ERC2: variants seen among roughly 807,000 people sequenced by gnomAD.
ERC2 encodes ELKS/RAB6-interacting/CAST family member 2, also known as ERC protein 2.
ERC2 carries 42 observed loss-of-function variants against 114.8 expected under a neutral mutation model. The observed-to-expected ratio is 0.37, with a 90% confidence interval of 0.29 to 0.47. ERC2 has a LOEUF of 0.47. ERC2 is among the 20% of genes least tolerant of loss of function. ERC2 has a pLI of 0.99. For missense variants in ERC2, 939 were observed against 1,150.7 expected, an observed-to-expected ratio of 0.82 and a Z score of 2.66; for synonymous variants, 454 against 425.5, an observed-to-expected ratio of 1.07 and a Z score of -0.82.
chr3:56,441,244 G>A (rs1386121808), intron 1 of ERC2, among the ~76,000 whole-genome samples: 1 of 152,194 alleles, frequency 6.6e-6, no homozygotes, highest in African/African-American at 2.4e-5. Flanking sequence ...ACCCAGCCAA[G>A]AGTCAGCACC....
intron 17 of ERC2, among the ~76,000 whole-genome samples, chr3:55,543,240 C>T (rs764659212): frequency 2.6e-5 from 4 of 152,150 alleles, no homozygotes; most frequent in Non-Finnish European, 5.9e-5. Context: ...AGGCTGTCCA[C>T]GTGTAAGCAG....
chr3:55,639,131 G>A (rs1301409280), intron 17 of ERC2, among the ~76,000 whole-genome samples: 3 of 152,216 alleles, frequency 2.0e-5, no homozygotes, highest in African/African-American at 7.2e-5. Context: ...CTCAAACAAA[G>A]AGTTGAAAGA....
chr3:56,309,794 T>A (rs1484256459), intron 2 of ERC2, among the ~76,000 whole-genome samples: 5 of 152,196 alleles, frequency 3.3e-5, no homozygotes, highest in African/African-American at 1.2e-4. Flanking sequence ...GCTCCACAAA[T>A]GTTAGCTATT....
chr3:55,741,307 T>G (rs943072904), intron 14 of ERC2, among the ~76,000 whole-genome samples: 1 of 152,048 alleles, frequency 6.6e-6, no homozygotes, highest in Non-Finnish European at 1.5e-5. Flanking sequence ...CTTTTTTTTT[T>G]CTCGCGGCAA....
intron 14 of ERC2, among the ~76,000 whole-genome samples, chr3:55,844,303 T>G (rs1285036125): frequency 1.3e-5 from 2 of 152,044 alleles, no homozygotes; most frequent in African/African-American, 4.8e-5. Context: ...AATGGAAACA[T>G]ACATGAAAAA....
chr3:55,974,740 A>G (rs1285262859), intron 12 of ERC2, among the ~76,000 whole-genome samples: 1 of 152,136 alleles, frequency 6.6e-6, no homozygotes, highest in Non-Finnish European at 1.5e-5. Flanking sequence ...CCCACTCACC[A>G]GGCCCACTCA....
At chr3:55,827,702 G>A (rs2060387615) in intron 14 of ERC2, among the ~76,000 whole-genome samples, 1 of 152,162 alleles carries the variant, frequency 6.6e-6, no homozygotes, top group Admixed American at 6.6e-5. Flanking sequence ...AATCTTCCCT[G>A]AAACCATGAT....
intron 14 of ERC2, among the ~76,000 whole-genome samples, chr3:55,739,905 C>T (rs1460215081): frequency 6.6e-6 from 1 of 152,120 alleles, no homozygotes; most frequent in Non-Finnish European, 1.5e-5. Context: ...ACATTTCAGT[C>T]TTTAATCCAT....
intron 6 of ERC2, among the ~76,000 whole-genome samples, chr3:56,132,451 C>T (rs1196344255): frequency 2.6e-5 from 4 of 152,172 alleles, no homozygotes; most frequent in Admixed American, 2.0e-4. Context: ...TCAGAAAACA[C>T]CTCCTCCTCC....
chr3:55,651,289 G>A (rs1152116), intron 17 of ERC2, among the ~76,000 whole-genome samples: 1 of 152,114 alleles, frequency 6.6e-6, no homozygotes, highest in African/African-American at 2.4e-5. Flanking sequence ...ACAGTGCTTA[G>A]AGAATTAAGG....
chr3:55,821,310 G>C (rs181228168), intron 14 of ERC2, among the ~76,000 whole-genome samples: 1 of 152,076 alleles, frequency 6.6e-6, no homozygotes, highest in Non-Finnish European at 1.5e-5. Context: ...CTGGCTCGCC[G>C]GCCACTGTGG....
chr3:56,143,187 A>C (rs1358177093), intron 5 of ERC2, among the ~76,000 whole-genome samples: 3 of 152,168 alleles, frequency 2.0e-5, no homozygotes, highest in Non-Finnish European at 4.4e-5. Flanking sequence ...TCCCAGCTTC[A>C]TGTGGTGGTG....
intron 6 of ERC2, among the ~76,000 whole-genome samples, chr3:56,084,913 T>G (rs2077426758): frequency 6.7e-6 from 1 of 149,972 alleles, no homozygotes; most frequent in Admixed American, 6.6e-5. Context: ...GGGTGGCATT[T>G]AAAAGAAAAA....
At chr3:55,583,533 CT>C (rs2057418374) in intron 17 of ERC2, among the ~76,000 whole-genome samples, 2 of 59,660 alleles carry the variant, frequency 3.4e-5, no homozygotes, top group Non-Finnish European at 6.7e-5. Context: ...CCCTTCCTTC[CT>C]TCCTTCCTTT....
At chr3:55,534,936 C>G (rs915163280) in intron 17 of ERC2, among the ~76,000 whole-genome samples, 1 of 152,092 alleles carries the variant, frequency 6.6e-6, no homozygotes, top group Non-Finnish European at 1.5e-5. Context: ...GAAGACATAA[C>G]GGTGAAGAGG....
intron 3 of ERC2, among the ~76,000 whole-genome samples, chr3:56,277,997 C>A (rs2054114357): frequency 6.6e-6 from 1 of 152,144 alleles, no homozygotes; most frequent in South Asian, 2.1e-4. Flanking sequence ...TAATCCCCTT[C>A]CTGTGACTCC....
intron 7 of ERC2, among the ~76,000 whole-genome samples, chr3:56,031,415 C>A (rs1471923378): frequency 1.3e-5 from 2 of 152,252 alleles, no homozygotes; most frequent in East Asian, 3.9e-4. Context: ...ACCAGGCCAG[C>A]CAGCCCAAGG....
intron 14 of ERC2, among the ~76,000 whole-genome samples, chr3:55,772,625 T>C (rs966931716): frequency 6.6e-6 from 1 of 152,182 alleles, no homozygotes; most frequent in African/African-American, 2.4e-5. Flanking sequence ...CTATTTTATT[T>C]TATGTTAATT....
At chr3:55,723,016 C>T (rs2064676573) in intron 15 of ERC2, among the ~76,000 whole-genome samples, 1 of 152,130 alleles carries the variant, frequency 6.6e-6, no homozygotes, top group Non-Finnish European at 1.5e-5. Flanking sequence ...GACTTATGTA[C>T]TAAGATGTTC....
Sources: gnomAD v4.1 joint callset for allele counts (sites outside exome capture counted in the v4.1 genomes callset) on GRCh38, gnomAD v4.1.1 for gene constraint, MANE v1.5 for transcripts, NCBI Gene and HGNC (gene_info 2026-07-23, HGNC 2026-07-21) for gene names.